Variants in ITSN1 observed in about 807,000 individuals in gnomAD.
ITSN1 encodes intersectin 1, also known as intersectin-1.
ITSN1 carries 58 observed loss-of-function variants against 239.8 expected under a neutral mutation model. The observed-to-expected ratio is 0.24, with a 90% CI of 0.20 to 0.30. ITSN1 has a LOEUF of 0.30. ITSN1 is among the 10% of genes least tolerant of loss of function. The pLI, the probability that ITSN1 is intolerant of heterozygous loss-of-function variation, is 1.00. For synonymous variants in ITSN1, 780 were observed against 770.8 expected (o/e 1.01, Z -0.20); for missense variants, 1,558 against 2,103.3 (o/e 0.74, Z 5.07).
Position 33,853,228 on chromosome 21 carries a change from G to A in ITSN1, c.3662-3508G>A, listed in dbSNP as rs73352175. Among the ~76,000 whole-genome samples, 724 of 152,338 alleles carry A rather than the reference G, an allele frequency of 4.8e-3. 7 individuals are homozygous for A. Among genetic ancestry groups the A allele is most frequent in the African/African-American group, 0.016 (681 of 41,570 alleles). ...GGCCATCCCCCTGTCTCCAGGCAGG[G>A]TGGTAGGTGGACCTGCGAGAGGTGG... On this transcript the variant is annotated intron_variant, in intron 29 of 39. Transcript: ENST00000381318.
intron 1 of ITSN1, among the ~76,000 whole-genome samples, chr21:33,700,751 A>G (rs1021198123): frequency 2.0e-5 from 3 of 152,006 alleles, no homozygotes; most frequent in Admixed American, 6.6e-5. Context: ...GTTTGGGCCC[A>G]GTTTCTTCAT....
chr21:33,784,182 T>C (rs962181976), intron 16 of ITSN1, among the ~76,000 whole-genome samples: 12 of 152,158 alleles, frequency 7.9e-5, no homozygotes, highest in Non-Finnish European at 1.5e-4. Flanking sequence ...TTAAAAAAAA[T>C]CACAGGTCAG....
At chr21:33,870,247 G>C (rs1475429351) in intron 33 of ITSN1, among the ~76,000 whole-genome samples, 1 of 152,128 alleles carries the variant, frequency 6.6e-6, no homozygotes, top group Non-Finnish European at 1.5e-5. Context: ...AATTAGCTCA[G>C]TACTTCTCTT....
chr21:33,660,584 G>A (rs759377663), intron 1 of ITSN1, among the ~76,000 whole-genome samples: 17 of 152,112 alleles, frequency 1.1e-4, no homozygotes, highest in Non-Finnish European at 2.2e-4. Context: ...TTCCATAACT[G>A]CTCCTGTAGT....
intron 31 of ITSN1, among the ~76,000 whole-genome samples, chr21:33,859,838 G>C (rs1980122707): frequency 6.6e-6 from 1 of 152,170 alleles, no homozygotes; most frequent in South Asian, 2.1e-4. Context: ...GGTGACATCA[G>C]GCAGGCTTTT....
At chr21:33,868,073 G>C (rs561657754) in intron 33 of ITSN1, among the ~76,000 whole-genome samples, 3 of 152,216 alleles carry the variant, frequency 2.0e-5, no homozygotes, top group Non-Finnish European at 2.9e-5. Context: ...GACCGAGCCG[G>C]TTGCCACTGC....
At position 33,883,695 on chromosome 21, in the gene ITSN1, A is replaced by C. The variant is rs773752778; in HGVS notation, c.4676+24A>C. 6.2e-6 allele frequency: 10 copies of C among 1,610,110 alleles called. No individual in the cohort carries two copies. In the African/African-American group the frequency reaches 1.2e-4, roughly 19 times the overall value. On this transcript the variant is annotated intron_variant, in intron 36 of 39. Transcript: ENST00000381318. ...AGGTGAGACCTGCCGCCTCCCCAGC[A>C]TGGGCCCCAGGGCTCCACGGCTCTA...
intron 1 of ITSN1, among the ~76,000 whole-genome samples, chr21:33,687,258 C>T (rs1481190333): frequency 1.3e-5 from 2 of 151,414 alleles, no homozygotes; most frequent in Non-Finnish European, 2.9e-5. Context: ...ATTATTTGGG[C>T]TTGGTGACGT....
At chr21:33,853,436 C>T (rs1978711421) in intron 29 of ITSN1, among the ~76,000 whole-genome samples, 1 of 152,216 alleles carries the variant, frequency 6.6e-6, no homozygotes, top group Non-Finnish European at 1.5e-5. Context: ...GATTCTTGGA[C>T]AAATGGCCCA....
chr21:33,810,894 C>A, intron 20 of ITSN1, 81 bp from the exon 21 acceptor site: 1 of 1,504,330 alleles, frequency 6.6e-7, no homozygotes, highest in Non-Finnish European at 9.3e-7. Context: ...AGGGCAGAGG[C>A]TTGGGACTTC....
chr21:33,743,499 A>G (rs2066990824), intron 5 of ITSN1, among the ~76,000 whole-genome samples: 1 of 151,128 alleles, frequency 6.6e-6, no homozygotes, highest in South Asian at 2.1e-4. Context: ...AAAGATATAA[A>G]AAGAATTTGA....
intron 1 of ITSN1, among the ~76,000 whole-genome samples, chr21:33,671,636 C>T (rs2090288707): frequency 6.6e-6 from 1 of 151,804 alleles, no homozygotes; most frequent in African/African-American, 2.4e-5. Flanking sequence ...AACCCCATCT[C>T]TACTAAAAAT....
In ITSN1 at chr21:33,672,903, G is replaced by A. The variant is rs1380741619; in HGVS notation, c.-33+30190G>A. Among the ~76,000 whole-genome samples, 3 of 152,192 alleles carry A rather than the reference G, an allele frequency of 2.0e-5. 1 individual carries two copies. In the East Asian group the frequency reaches 5.8e-4, roughly 29 times the overall value. ...ATTTTTGTATTTTTCGTAGAGATAG[G>A]GTTTCACCATGTTGGCCAGGATGGT... On this transcript the variant is annotated intron_variant, in intron 1 of 39. Coordinates refer to ENST00000381318, the MANE Select transcript of ITSN1 (RefSeq NM_003024.3).
At chr21:33,727,179 T>G (rs973964026) in intron 4 of ITSN1, among the ~76,000 whole-genome samples, 3 of 152,146 alleles carry the variant, frequency 2.0e-5, no homozygotes, top group African/African-American at 7.2e-5. Context: ...ATTGTCTTAT[T>G]AATAAGGAGC....
At chr21:33,868,364 A>G (rs1159031989) in intron 33 of ITSN1, among the ~76,000 whole-genome samples, 2 of 152,198 alleles carry the variant, frequency 1.3e-5, no homozygotes, top group African/African-American at 4.8e-5. Context: ...GCCGTGGAGC[A>G]GGGGGCGGCG....
In ITSN1 at chr21:33,888,141, T is replaced by C; in HGVS notation, c.5018-11T>C. The stretch of plus-strand genomic sequence containing the variant: ...GTCCCTCTTAGGAGGGTCTGTTTGT[T>C]CTCTTTTCAGATTTTTTGGGTCGGA... On this transcript the variant is annotated splice_polypyrimidine_tract_variant and intron_variant, in intron 39 of 39. Transcript: ENST00000381318. The C allele has an allele frequency of 6.2e-7, 1 of 1,613,876 alleles. No individual in the cohort carries two copies. Among genetic ancestry groups the C allele is most frequent in the East Asian group, 2.2e-5 (1 of 44,878 alleles).
intron 8 of ITSN1, among the ~76,000 whole-genome samples, chr21:33,760,255 C>T (rs567692262): frequency 7.2e-5 from 11 of 152,250 alleles, no homozygotes; most frequent in South Asian, 4.1e-4. Context: ...GGTGGAACAG[C>T]GGACAGGCTA....
At chr21:33,667,654 A>G (rs895102306) in intron 1 of ITSN1, among the ~76,000 whole-genome samples, 4 of 152,188 alleles carry the variant, frequency 2.6e-5, no homozygotes, top group African/African-American at 4.8e-5. Context: ...CTTGGATTTT[A>G]TAACCAGGGC....
intron 29 of ITSN1, among the ~76,000 whole-genome samples, chr21:33,846,045 C>A (rs1035932460): frequency 1.3e-5 from 2 of 152,182 alleles, no homozygotes; most frequent in African/African-American, 2.4e-5. Context: ...TCCCAGGGAT[C>A]TTGTGTGCCC....
Sources: gnomAD v4.1 joint callset for allele counts (sites outside exome capture counted in the v4.1 genomes callset) on GRCh38, gnomAD v4.1.1 for gene constraint, MANE v1.5 for transcripts, NCBI Gene and HGNC (gene_info 2026-07-23, HGNC 2026-07-21) for gene names.